Variants in SNTG2 observed in about 807,000 individuals in gnomAD.
The protein encoded by SNTG2 is gamma-2-syntrophin.
In SNTG2, 74 loss-of-function variants were observed where a neutral mutation model predicts 70.9. That is an observed-to-expected ratio of 1.04 (90% confidence interval 0.86 to 1.27). The LOEUF is 1.27. Ranked by LOEUF, SNTG2 falls within the 50% of genes most tolerant of loss-of-function variation. The pLI is 0.00. For synonymous variants in SNTG2, 278 were observed against 273.8 expected (o/e 1.02, Z -0.15); for missense variants, 717 against 690.7 (o/e 1.04, Z -0.43).
chr2:1,365,963 A>G (rs761450816), intron 16 of SNTG2, among the ~76,000 whole-genome samples: 1 of 151,706 alleles, frequency 6.6e-6, no homozygotes, highest in South Asian at 2.1e-4. Context: ...CCCATTCTCC[A>G]CCCCCTCATT....
intron 14 of SNTG2, among the ~76,000 whole-genome samples, chr2:1,296,494 G>T (rs1680223157): frequency 6.6e-6 from 1 of 152,184 alleles, no homozygotes; most frequent in African/African-American, 2.4e-5. Context: ...AATTAGAGAA[G>T]CCTCTTCTAC....
At chr2:1,067,681 C>T (rs1024637402) in intron 1 of SNTG2, among the ~76,000 whole-genome samples, 2 of 152,128 alleles carry the variant, frequency 1.3e-5, no homozygotes, top group Admixed American at 6.5e-5. Context: ...GTCTCAGTAT[C>T]GAACTCAAAG....
chr2:1,230,406 C>T (rs1006768854), intron 9 of SNTG2, among the ~76,000 whole-genome samples: 5 of 152,110 alleles, frequency 3.3e-5, no homozygotes, highest in East Asian at 1.9e-4. Flanking sequence ...ATGCTGAAGC[C>T]GAGAAGATTT....
At chr2:1,023,296 T>C (rs921536012) in intron 1 of SNTG2, among the ~76,000 whole-genome samples, 6 of 152,124 alleles carry the variant, frequency 3.9e-5, no homozygotes, top group African/African-American at 1.4e-4. Context: ...CTCCTTCTCT[T>C]GGCAGCAGTA....
At chr2:1,133,088 T>C (rs1668132687) in intron 4 of SNTG2, among the ~76,000 whole-genome samples, 1 of 152,216 alleles carries the variant, frequency 6.6e-6, no homozygotes, top group Non-Finnish European at 1.5e-5. Context: ...GGGTGATGAT[T>C]ATGCCTTACA....
At chr2:1,259,299 T>G in intron 12 of SNTG2, 71 bp from the exon 13 acceptor site, 2 of 1,360,656 alleles carry the variant, frequency 1.5e-6, no homozygotes, top group South Asian at 1.2e-5. Flanking sequence ...AGTCACACTA[T>G]TGTAAATTTT....
intron 16 of SNTG2, among the ~76,000 whole-genome samples, chr2:1,317,377 G>C: frequency 9.1e-6 from 1 of 109,424 alleles, no homozygotes. Flanking sequence ...CATTGGAGAA[G>C]GTTGGGATTC....
intron 16 of SNTG2, among the ~76,000 whole-genome samples, chr2:1,355,771 T>C (rs1183964544): frequency 6.6e-6 from 1 of 152,194 alleles, no homozygotes; most frequent in Non-Finnish European, 1.5e-5. Context: ...ATACTATTCA[T>C]AGTAGCTGCA....
rs544580779 is a variant in SNTG2 at position 1,323,793 on chromosome 2, G to A, written c.1488+7418G>A. On this transcript the variant is annotated intron_variant, in intron 16 of 16. Coordinates refer to ENST00000308624, the MANE Select transcript of SNTG2 (RefSeq NM_018968.4). The stretch of plus-strand genomic sequence containing the variant: ...TGGCTGAGACCCCCTAGTAGGCTGG[G>A]ACATGGCTAACAGTCACATGGCTGA... Among the ~76,000 whole-genome samples, 6 of 150,962 alleles carry A rather than the reference G, an allele frequency of 4.0e-5. No homozygotes were observed. The East Asian group carries it at 5.9e-4, about 15-fold the overall frequency.
chr2:1,046,007 T>A (rs142495287), intron 1 of SNTG2, among the ~76,000 whole-genome samples: 87 of 152,298 alleles, frequency 5.7e-4, no homozygotes, highest in African/African-American at 1.7e-3. Flanking sequence ...TCTGAGACTC[T>A]CTGTGAGTCT....
chr2:1,005,271 A>G (rs1429699120), intron 1 of SNTG2, among the ~76,000 whole-genome samples: 1 of 152,136 alleles, frequency 6.6e-6, no homozygotes, highest in Non-Finnish European at 1.5e-5. Context: ...TGTCTGTCCA[A>G]ATCCACAGAA....
intron 14 of SNTG2, among the ~76,000 whole-genome samples, chr2:1,269,054 G>A (rs1466419937): frequency 2.8e-4 from 43 of 152,134 alleles, no homozygotes; most frequent in Admixed American, 2.8e-3. Flanking sequence ...AGTGTTGGAG[G>A]GAGGGTGAAA....
At chr2:991,119 C>T (rs867504973) in intron 1 of SNTG2, among the ~76,000 whole-genome samples, 2 of 152,018 alleles carry the variant, frequency 1.3e-5, no homozygotes, top group African/African-American at 4.8e-5. Context: ...TCTTAATTTG[C>T]CTGTTTCTGC....
chr2:1,174,585 G>A (rs1262365175), intron 8 of SNTG2, among the ~76,000 whole-genome samples: 2 of 152,124 alleles, frequency 1.3e-5, no homozygotes, highest in East Asian at 3.8e-4. Context: ...GATTATACCA[G>A]GATGTTCTAT....
At chr2:976,506 C>T (rs1019832374) in intron 1 of SNTG2, among the ~76,000 whole-genome samples, 5 of 152,210 alleles carry the variant, frequency 3.3e-5, no homozygotes, top group Admixed American at 6.5e-5. Flanking sequence ...CTTGTTTCTT[C>T]TTTCCTCCTT....
chr2:1,101,845 T>TG lies in SNTG2; in HGVS notation c.325+3438dup, dbSNP rs757551429. ...CCAGGTGATGAGAGGCCGGGACAGGTGGGAAAGCTCTCCAGCTCTCATTCT... is the reference window on the plus strand; with the variant it reads ...CCAGGTGATGAGAGGCCGGGACAGGTGGGGAAAGCTCTCCAGCTCTCATTCT... On this transcript the variant is annotated intron_variant, in intron 4 of 16. Transcript: ENST00000308624. 2.6e-5 allele frequency among the ~76,000 whole-genome samples: 4 copies of TG among 152,120 alleles called. No homozygotes were observed. The East Asian group carries it at 5.8e-4, about 22-fold the overall frequency.
intron 9 of SNTG2, among the ~76,000 whole-genome samples, chr2:1,227,449 G>T (rs1436411059): frequency 6.6e-6 from 1 of 152,250 alleles, no homozygotes. Context: ...GTTCGCTCCG[G>T]AAGTGGAGGA....
At chr2:1,222,139 C>CTCTG (rs1553362404) in intron 9 of SNTG2, among the ~76,000 whole-genome samples, 1 of 116,008 alleles carries the variant, frequency 8.6e-6, no homozygotes, top group Admixed American at 9.3e-5. Context: ...CTCTCTGTCT[C>CTCTG]TCTCTGTCTC....
At chr2:1,014,861 G>A (rs1384486260) in intron 1 of SNTG2, among the ~76,000 whole-genome samples, 1 of 152,080 alleles carries the variant, frequency 6.6e-6, no homozygotes, top group East Asian at 1.9e-4. Context: ...CATGAATCTC[G>A]AGGTTTGGTG....
Sources: gnomAD v4.1 joint callset for allele counts (sites outside exome capture counted in the v4.1 genomes callset) on GRCh38, gnomAD v4.1.1 for gene constraint, MANE v1.5 for transcripts, NCBI Gene and HGNC (gene_info 2026-07-23, HGNC 2026-07-21) for gene names.